The following ZNF420 variants were observed in gnomAD, a reference collection of about 807,000 sequenced individuals.
The protein encoded by ZNF420 is zinc finger protein 420.
ZNF420 carries 31 observed loss-of-function variants against 44.7 expected under a neutral mutation model. The observed-to-expected ratio is 0.69, with a 90% CI of 0.52 to 0.94. The LOEUF (loss-of-function observed/expected upper bound fraction) is 0.94. Among genes scored for constraint, ZNF420 ranks in the 40% least tolerant of loss-of-function variants. The pLI, the probability that ZNF420 is intolerant of heterozygous loss-of-function variation, is 0.00. For synonymous variants in ZNF420, 245 were observed against 267.4 expected (o/e 0.92, Z 0.82); for missense variants, 681 against 827.9 (o/e 0.82, Z 2.18).
chr19:37,045,101 C>T (rs1244056289), intron 1 of ZNF420, among the ~76,000 whole-genome samples: 1 of 152,114 alleles, frequency 6.6e-6, no homozygotes, highest in Non-Finnish European at 1.5e-5. Flanking sequence ...CATGATACTG[C>T]TTGCTAAGTT....
intron 2 of ZNF420, among the ~76,000 whole-genome samples, chr19:37,087,835 C>T (rs929178241): frequency 1.3e-5 from 2 of 152,080 alleles, no homozygotes; most frequent in South Asian, 4.1e-4. Context: ...TTAGTAGAGA[C>T]GGGGTTTCAC....
intron 1 of ZNF420, among the ~76,000 whole-genome samples, chr19:37,041,144 C>T (rs1568426965): frequency 1.3e-5 from 2 of 151,722 alleles, no homozygotes; most frequent in Admixed American, 6.6e-5. Flanking sequence ...GCCAACATGG[C>T]GAAACCCCAT....
At chr19:37,058,089 A>T (rs1478481137) in intron 1 of ZNF420, among the ~76,000 whole-genome samples, 1 of 152,000 alleles carries the variant, frequency 6.6e-6, no homozygotes, top group African/African-American at 2.4e-5. Context: ...CCTGTTTCTG[A>T]GGGGCCTAGA....
chr19:37,067,393 C>T lies in ZNF420; in HGVS notation c.-124-12952C>T, dbSNP rs533565069. On this transcript the variant is annotated intron_variant, in intron 1 of 4. Coordinates refer to the ZNF420 transcript ENST00000587029. ...TAAAGTATACGATGTCTACAACTAA[C>T]TTTGAAATACAACAAAAAATGGATC... is the stretch of plus-strand genomic sequence containing the variant. Among the ~76,000 whole-genome samples, 3 of 152,212 alleles carry T rather than the reference C, an allele frequency of 2.0e-5. No homozygotes were observed. In the South Asian group the frequency reaches 6.2e-4, roughly 32 times the overall value.
chr19:37,116,149 CTT>C (rs995332370), intron 4 of ZNF420, among the ~76,000 whole-genome samples: 4 of 152,046 alleles, frequency 2.6e-5, no homozygotes, highest in Non-Finnish European at 4.4e-5. Context: ...GCTGATCTCT[CTT>C]TCTTTTCCCC....
chr19:37,072,194 A>ATTATAATGGGCTTAAAAACTTAGAAT, intron 1 of ZNF420, among the ~76,000 whole-genome samples: 1 of 152,322 alleles, frequency 6.6e-6, no homozygotes, highest in South Asian at 2.1e-4. Flanking sequence ...TGATAAGGAA[A>ATTATAATGGGCTTAAAAACTTAGAAT]TTATAATGGG....
intron 2 of ZNF420, among the ~76,000 whole-genome samples, chr19:37,081,505 ATTT>A (rs34091203): frequency 7.4e-6 from 1 of 135,378 alleles, no homozygotes; most frequent in Non-Finnish European, 1.6e-5. Context: ...TGCTTCATGT[ATTT>A]TTTTTTTTTT....
chr19:37,032,705 T>A (rs565770328), intron 1 of ZNF420, among the ~76,000 whole-genome samples: 1 of 152,248 alleles, frequency 6.6e-6, no homozygotes, highest in East Asian at 1.9e-4. Flanking sequence ...CTTGGGAGGC[T>A]GAGGCAGGAG....
upstream of ZNF420, among the ~76,000 whole-genome samples, chr19:37,074,493 T>C (rs977414271): frequency 6.6e-6 from 1 of 152,178 alleles, no homozygotes; most frequent in Non-Finnish European, 1.5e-5. Context: ...AATGCTGTTC[T>C]AGATTAAAGA....
intron 4 of ZNF420, among the ~76,000 whole-genome samples, chr19:37,100,096 G>GTCTT (rs1279935349): frequency 2.0e-5 from 3 of 152,198 alleles, no homozygotes; most frequent in Admixed American, 6.5e-5. Context: ...ATAGTTTCCA[G>GTCTT]TCTTACATTT....
At chr19:37,052,215 T>G (rs911923534) in intron 1 of ZNF420, among the ~76,000 whole-genome samples, 1 of 152,180 alleles carries the variant, frequency 6.6e-6, no homozygotes, top group Non-Finnish European at 1.5e-5. Flanking sequence ...ATTTGCTTGG[T>G]AGATCTTCCT....
chr19:37,068,508 T>C (rs1365458323), intron 1 of ZNF420, among the ~76,000 whole-genome samples: 1 of 151,950 alleles, frequency 6.6e-6, no homozygotes, highest in African/African-American at 2.4e-5. Context: ...GGCGTGATGG[T>C]GGACTCCTGT....
At chr19:37,055,243 C>A (rs1267922870) in intron 1 of ZNF420, among the ~76,000 whole-genome samples, 1 of 152,158 alleles carries the variant, frequency 6.6e-6, no homozygotes, top group Non-Finnish European at 1.5e-5. Context: ...AAAAGTAGTT[C>A]AGTGAGGTGG....
At chr19:37,111,408 TTAA>T (rs1970380498) in intron 4 of ZNF420, 1 of 152,244 alleles carries the variant, frequency 6.6e-6, no homozygotes. Context: ...TGAAAATCAT[TTAA>T]TGTTTTTAAT....
intron 1 of ZNF420, among the ~76,000 whole-genome samples, chr19:37,019,221 A>G (rs929961466): frequency 3.3e-5 from 5 of 152,204 alleles, no homozygotes; most frequent in Non-Finnish European, 5.9e-5. Context: ...CTCTACTAAA[A>G]ATACAAAAAT....
intron 1 of ZNF420, among the ~76,000 whole-genome samples, chr19:37,065,954 A>G (rs1967960429): frequency 6.6e-6 from 1 of 152,234 alleles, no homozygotes; most frequent in Admixed American, 6.5e-5. Flanking sequence ...ATTAACATAA[A>G]TCCTAGAACT....
intron 4 of ZNF420, among the ~76,000 whole-genome samples, chr19:37,126,261 T>C (rs1473465169): frequency 6.6e-6 from 1 of 152,152 alleles, no homozygotes; most frequent in African/African-American, 2.4e-5. Flanking sequence ...ACCTGAAGAA[T>C]GAGGAAGAGT....
chr19:37,047,092 G>A (rs964890801), intron 1 of ZNF420, among the ~76,000 whole-genome samples: 1 of 151,658 alleles, frequency 6.6e-6, no homozygotes, highest in African/African-American at 2.4e-5. Flanking sequence ...TGTATGCTAT[G>A]AGCCAACGAT....
intron 1 of ZNF420, among the ~76,000 whole-genome samples, chr19:37,060,660 T>TG (rs879793095): frequency 2.0e-5 from 3 of 152,008 alleles, no homozygotes; most frequent in Non-Finnish European, 1.5e-5. Context: ...CTCCCATACG[T>TG]GTCTCAGACA....
Sources: gnomAD v4.1 joint callset for allele counts (sites outside exome capture counted in the v4.1 genomes callset) on GRCh38, gnomAD v4.1.1 for gene constraint, MANE v1.5 for transcripts, NCBI Gene and HGNC (gene_info 2026-07-23, HGNC 2026-07-21) for gene names.